CBL: variants seen among roughly 807,000 people sequenced by gnomAD.
The protein encoded by CBL is E3 ubiquitin-protein ligase CBL.
CBL carries 45 observed loss-of-function variants against 96.9 expected under a neutral mutation model. That is an observed-to-expected ratio of 0.46 (90% CI 0.37 to 0.60). The LOEUF (loss-of-function observed/expected upper bound fraction) is 0.60, where lower values mean the gene tolerates loss of function less well. CBL is among the 20% of genes least tolerant of loss of function. The pLI, the probability that CBL is intolerant of heterozygous loss-of-function variation, is 0.00. For missense variants in CBL, 1,024 were observed against 1,143.5 expected (o/e 0.90, Z 1.51); for synonymous variants, 420 against 426.8 (o/e 0.98, Z 0.20).
Position 119,301,128 on chromosome 11 carries a change from G to C in CBL, c.*1347G>C, listed in dbSNP as rs1950098906. On this transcript the variant is annotated 3_prime_UTR_variant, in exon 16 of 16. Coordinates refer to ENST00000264033, the MANE Select transcript of CBL (RefSeq NM_005188.4). ...TTCTTGTGCCTGTGGCTTTGGGAAT[G>C]TAACATCTCTTTCCTCCTTTCCTTC... The C allele has an allele frequency of 8.6e-6, 2 of 233,194 alleles. No individual in the cohort carries two copies. Among genetic ancestry groups the C allele is most frequent in the Admixed American group, 1.1e-4 (2 of 17,778 alleles). The allele number at this position is 233,194 out of a possible 1,614,324, so 14.4% of individuals were successfully genotyped here.
intron 1 of CBL, among the ~76,000 whole-genome samples, chr11:119,216,327 T>C (rs986374761): frequency 2.0e-5 from 3 of 151,798 alleles, no homozygotes; most frequent in South Asian, 2.1e-4. Flanking sequence ...CCTCCTCTCT[T>C]GGACTTATTG....
chr11:119,238,654 A>G (rs1299018721), intron 2 of CBL, among the ~76,000 whole-genome samples: 1 of 152,072 alleles, frequency 6.6e-6, no homozygotes, highest in Non-Finnish European at 1.5e-5. Flanking sequence ...GTGTGGTGAA[A>G]TCCCGTCTCT....
chr11:119,223,925 A>AT (rs1037205620), intron 1 of CBL, among the ~76,000 whole-genome samples: 65 of 151,478 alleles, frequency 4.3e-4, no homozygotes, highest in Admixed American at 9.2e-4. Context: ...GCCCCTGGCA[A>AT]TTTTTTTTTG....
intron 1 of CBL, among the ~76,000 whole-genome samples, chr11:119,216,771 C>T (rs1220954090): frequency 6.6e-6 from 1 of 152,150 alleles, no homozygotes; most frequent in African/African-American, 2.4e-5. Flanking sequence ...ATGTAGAAGT[C>T]TCCTTTTACC....
intron 12 of CBL, among the ~76,000 whole-genome samples, chr11:119,296,249 G>A (rs929171120): frequency 1.2e-4 from 19 of 152,154 alleles, no homozygotes; most frequent in African/African-American, 3.1e-4. Context: ...GTAGGTTTTT[G>A]TGTGTCTTTT....
rs569624112 is a variant in CBL at position 119,305,592 on chromosome 11, C to T, written c.*5811C>T. 3.1e-4 allele frequency: 70 copies of T among 226,144 alleles called. No individual in the cohort carries two copies. The highest frequency in any genetic ancestry group is 1.5e-3 in the African/African-American group (68 of 45,028). The allele number at this position is 226,144 out of a possible 1,614,324, so 14.0% of individuals were successfully genotyped here. A position where few individuals can be genotyped will look rare whatever the true frequency, so the allele number is the denominator to read the frequency against. On this transcript the variant is annotated 3_prime_UTR_variant, in exon 16 of 16. Coordinates refer to ENST00000264033, the MANE Select transcript of CBL (RefSeq NM_005188.4). Reference sequence around the variant, plus strand: ...CCTAGGCACCTCAGAAACTACTTTGCCAGAGCCAGTAAGAATATATAATAT... The same window carrying T: ...CCTAGGCACCTCAGAAACTACTTTGTCAGAGCCAGTAAGAATATATAATAT...
In CBL at chr11:119,299,495, A is replaced by G. The variant is rs2135321989; in HGVS notation, c.2435A>G (p.Asn812Ser). Residue 812 changes from asparagine to serine, a missense_variant and splice_region_variant, in exon 16 of 16, where the codon AAT becomes AGT. Asn to Ser is a conservative substitution (Grantham distance 46). Around this residue, in one of 4 missense-constraint regions of CBL, gnomAD observed 695 missense variants for 661.6 expected, o/e 1.05. Transcript: ENST00000264033. Reference sequence around the variant, plus strand: ...ATATTTTCTTTCCTATTTCTTCTAGATGTCACTGAAGGTTCCCAAGTTCCC... The same window carrying G: ...ATATTTTCTTTCCTATTTCTTCTAGGTGTCACTGAAGGTTCCCAAGTTCCC... ...WLSLDGDPTTNVTEGSQVPER... is the reference protein window; with the variant it reads ...WLSLDGDPTTSVTEGSQVPER... 1 of 1,613,840 alleles carries G rather than the reference A, an allele frequency of 6.2e-7. No individual in the cohort carries two copies. The highest frequency in any genetic ancestry group is 8.5e-7 in the Non-Finnish European group (1 of 1,179,740).
At chr11:119,215,959 G>C (rs1429420261) in intron 1 of CBL, among the ~76,000 whole-genome samples, 1 of 152,256 alleles carries the variant, frequency 6.6e-6, no homozygotes, top group Admixed American at 6.5e-5. Context: ...CGTCAGCTTT[G>C]TCCCCACAGT....
chr11:119,297,139 T>G, intron 13 of CBL, 105 bp downstream of exon 13: 1 of 792,436 alleles, frequency 1.3e-6, no homozygotes, highest in Non-Finnish European at 2.3e-6. Flanking sequence ...CCAGTCAGAT[T>G]AAAGCAGAAA....
chr11:119,274,493 A>G (rs1389224395), intron 4 of CBL, among the ~76,000 whole-genome samples: 1 of 152,186 alleles, frequency 6.6e-6, no homozygotes, highest in Non-Finnish European at 1.5e-5. Context: ...GCCAATTTGC[A>G]TACACATTTA....
Position 119,297,049 on chromosome 11 carries a change from A to G in CBL, c.2153+15A>G. 7.3e-7 allele frequency: 1 copy of G among 1,373,448 alleles called. No homozygotes were observed. The highest frequency in any genetic ancestry group is 1.2e-5 in the South Asian group (1 of 86,374). The allele number at this position is 1,373,448 out of a possible 1,614,324, so 85.1% of individuals were successfully genotyped here. On this transcript the variant is annotated intron_variant, in intron 13 of 15. Transcript: ENST00000264033. Reference sequence around the variant, plus strand: ...CAGAGTTCACGGTAGGTTCACAACAACCCTTTTTGGGCCCTATACCTTTAT... The same window carrying G: ...CAGAGTTCACGGTAGGTTCACAACAGCCCTTTTTGGGCCCTATACCTTTAT...
intron 1 of CBL, among the ~76,000 whole-genome samples, chr11:119,210,627 T>C (rs1592366801): frequency 6.7e-6 from 1 of 149,236 alleles, no homozygotes; most frequent in Admixed American, 6.7e-5. Flanking sequence ...TTTTTTTTTT[T>C]TACTAGAGAC....
At chr11:119,207,697 C>A (rs1264662501) in intron 1 of CBL, among the ~76,000 whole-genome samples, 1 of 152,182 alleles carries the variant, frequency 6.6e-6, no homozygotes, top group African/African-American at 2.4e-5. Context: ...TGGTATTTTT[C>A]ATATTCTTTA....
intron 2 of CBL, among the ~76,000 whole-genome samples, chr11:119,251,233 G>A (rs1949667727): frequency 6.6e-6 from 1 of 152,142 alleles, no homozygotes; most frequent in African/African-American, 2.4e-5. Context: ...ATTCATTGTG[G>A]AGCTAAATAA....
intron 1 of CBL, 97 bp downstream of exon 1, chr11:119,206,709 G>A (rs1949272329): frequency 7.5e-7 from 1 of 1,333,394 alleles, no homozygotes; most frequent in Non-Finnish European, 1.0e-6. Context: ...GGGAGGGGAC[G>A]GGTCTGGTGA....
chr11:119,296,832 A>C, intron 12 of CBL, 86 bp from the exon 13 acceptor site: 1 of 737,720 alleles, frequency 1.4e-6, no homozygotes. Context: ...AATTTGAGTT[A>C]TGTCTGTTTT....
In CBL at chr11:119,307,487, C is replaced by T. The variant is rs951879432; in HGVS notation, c.*7706C>T. On this transcript the variant is annotated 3_prime_UTR_variant, in exon 16 of 16. Transcript: ENST00000264033. The stretch of plus-strand genomic sequence containing the variant: ...TGGCCTTTCATTTGAAGGCTTCAGA[C>T]TTAAAGCATTAAGCAGCTAGTGCCC... The T allele has an allele frequency of 1.3e-5, 3 of 231,474 alleles. No individual in the cohort carries two copies. The highest frequency in any genetic ancestry group is 1.7e-5 in the Non-Finnish European group (2 of 116,736). The allele number at this position is 231,474 out of a possible 1,614,324, so 14.3% of individuals were successfully genotyped here. A position where few individuals can be genotyped will look rare whatever the true frequency, so the allele number is the denominator to read the frequency against.
In CBL at chr11:119,302,154, G is replaced by A. The variant is rs1427457057; in HGVS notation, c.*2373G>A. ...CTGAGGCTCCAGCTCCCTGTGTTGT[G>A]TGTGTGTGCCATCCATGGGCTTGGG... On this transcript the variant is annotated 3_prime_UTR_variant, in exon 16 of 16. Transcript: ENST00000264033. The A allele has an allele frequency of 2.6e-5, 6 of 232,878 alleles. No homozygotes were observed. The highest frequency in any genetic ancestry group is 1.3e-4 in the African/African-American group (6 of 45,310). The allele number at this position is 232,878 out of a possible 1,614,324, so 14.4% of individuals were successfully genotyped here. A position where few individuals can be genotyped will look rare whatever the true frequency, so the allele number is the denominator to read the frequency against.
intron 12 of CBL, among the ~76,000 whole-genome samples, chr11:119,288,715 A>G (rs967313737): frequency 2.0e-5 from 3 of 152,136 alleles, no homozygotes; most frequent in African/African-American, 7.2e-5. Flanking sequence ...GGAACCACAT[A>G]TATGAAAAGT....
Sources: gnomAD v4.1 joint callset for allele counts (sites outside exome capture counted in the v4.1 genomes callset) on GRCh38, gnomAD v4.1.1 for gene constraint, gnomAD v4.1.1 regional missense constraint, MANE v1.5 for transcripts, NCBI Gene and HGNC (gene_info 2026-07-23, HGNC 2026-07-21) for gene names.